TTLL5: variants seen among roughly 807,000 people sequenced by gnomAD.
The protein encoded by TTLL5 is tubulin polyglutamylase TTLL5.
In TTLL5, 132 loss-of-function variants were observed where a neutral mutation model predicts 168.4. The ratio of observed to expected loss-of-function variants is 0.78; its 90% CI spans 0.68 to 0.91. The LOEUF (loss-of-function observed/expected upper bound fraction) is 0.91. Among genes scored for constraint, TTLL5 ranks in the 40% least tolerant of loss-of-function variants. The pLI is 0.00. For missense variants in TTLL5, 1,545 were observed against 1,581.5 expected (o/e 0.98, Z 0.39); for synonymous variants, 546 against 558.6 (o/e 0.98, Z 0.32).
At chr14:75,765,437 A>T (rs1210341482) in intron 19 of TTLL5, among the ~76,000 whole-genome samples, 1 of 152,070 alleles carries the variant, frequency 6.6e-6, no homozygotes, top group Non-Finnish European at 1.5e-5. Context: ...TCTCTAATAC[A>T]CTGTAGAAAT....
intron 31 of TTLL5, among the ~76,000 whole-genome samples, chr14:75,934,102 A>G (rs1203724153): frequency 1.3e-5 from 2 of 152,256 alleles, no homozygotes; most frequent in African/African-American, 4.8e-5. Flanking sequence ...CCCCTGAGCC[A>G]GAAAGCCATG....
chr14:75,734,101 G>T lies in TTLL5; in HGVS notation c.1186+51G>T, dbSNP rs374378243. On this transcript the variant is annotated intron_variant, in intron 14 of 31. Coordinates refer to ENST00000298832, the MANE Select transcript of TTLL5 (RefSeq NM_015072.5). ...GACTCACATAAAAATTAACCGGAGC[G>T]TCCATTTTATCAGACTCCATAGGTT... 4.0e-5 allele frequency: 63 copies of T among 1,582,650 alleles called. 1 individual carries two copies. In the Middle Eastern group the frequency reaches 6.7e-4, roughly 17 times the overall value.
intron 28 of TTLL5, among the ~76,000 whole-genome samples, chr14:75,822,788 G>T (rs1276026640): frequency 6.6e-6 from 1 of 152,204 alleles, no homozygotes; most frequent in Admixed American, 6.5e-5. Context: ...CATTGGGTCA[G>T]TGTAAGCTCA....
At chr14:75,668,796 T>C (rs1209437965) in intron 2 of TTLL5, among the ~76,000 whole-genome samples, 1 of 152,220 alleles carries the variant, frequency 6.6e-6, no homozygotes, top group African/African-American at 2.4e-5. Context: ...ATGTAAATTA[T>C]TGTGAACTCA....
At chr14:75,817,830 C>CTTTTTTTTTTTTTTTTTTTT (rs1045988787) in intron 27 of TTLL5, among the ~76,000 whole-genome samples, 24 of 83,868 alleles carry the variant, frequency 2.9e-4, no homozygotes, top group African/African-American at 5.6e-4. Context: ...CTTTTCTTTT[C>CTTTTTTTTTTTTTTTTTTTT]TTTTTTTTTT....
In TTLL5 at chr14:75,776,012, C is replaced by T. The variant is rs79800386; in HGVS notation, c.2283+382C>T. Among the ~76,000 whole-genome samples, 8 of 152,280 alleles carry T rather than the reference C, an allele frequency of 5.3e-5. No homozygotes were observed. In the East Asian group the frequency reaches 1.2e-3, roughly 22 times the overall value. ...ATGTAATGACATATTCTTTCTTGAACGAGTTATACTTTCATCTTTAAAACA... is the reference window on the plus strand; with the variant it reads ...ATGTAATGACATATTCTTTCTTGAATGAGTTATACTTTCATCTTTAAAACA... On this transcript the variant is annotated intron_variant, in intron 22 of 31. Coordinates refer to ENST00000298832, the MANE Select transcript of TTLL5 (RefSeq NM_015072.5).
At chr14:75,773,907 C>CATATATATATAT (rs34160638) in intron 21 of TTLL5, among the ~76,000 whole-genome samples, 60 of 28,748 alleles carry the variant, frequency 2.1e-3, no homozygotes, top group Non-Finnish European at 3.0e-3. Flanking sequence ...AAAAAAAATA[C>CATATATATATAT]ATATATATAT....
chr14:75,744,854 C>G (rs1889501024), intron 15 of TTLL5: 1 of 280,886 alleles, frequency 3.6e-6, no homozygotes, highest in Non-Finnish European at 6.8e-6. Flanking sequence ...TCTTTCTTCT[C>G]TTTTCTCTCT....
At chr14:75,760,987 C>T (rs1270588435) in intron 18 of TTLL5, among the ~76,000 whole-genome samples, 1 of 152,096 alleles carries the variant, frequency 6.6e-6, no homozygotes, top group Non-Finnish European at 1.5e-5. Context: ...TCAAACATAT[C>T]TGTCAAAGGA....
intron 28 of TTLL5, among the ~76,000 whole-genome samples, chr14:75,831,796 A>G (rs1429781114): frequency 1.3e-5 from 2 of 152,216 alleles, no homozygotes; most frequent in East Asian, 1.9e-4. Context: ...TGTGCATAGT[A>G]TACACAATGG....
chr14:75,825,281 C>T (rs1307943331), intron 28 of TTLL5, among the ~76,000 whole-genome samples: 5 of 152,116 alleles, frequency 3.3e-5, no homozygotes, highest in African/African-American at 9.7e-5. Context: ...TAGTTTAGTA[C>T]CTAGTTTACA....
intron 2 of TTLL5, among the ~76,000 whole-genome samples, chr14:75,665,615 T>C (rs1423511279): frequency 6.6e-6 from 1 of 152,166 alleles, no homozygotes; most frequent in Non-Finnish European, 1.5e-5. Context: ...TCCCAGCACT[T>C]TGGGAGGCCG....
chr14:75,753,785 A>G (rs776770761), intron 18 of TTLL5, among the ~76,000 whole-genome samples: 3 of 152,158 alleles, frequency 2.0e-5, no homozygotes, highest in Non-Finnish European at 4.4e-5. Flanking sequence ...ATTTCTTTAT[A>G]TGTATAAAAC....
At chr14:75,889,825 T>TAAA (rs1183125823) in intron 30 of TTLL5, among the ~76,000 whole-genome samples, 27 of 32,928 alleles carry the variant, frequency 8.2e-4, no homozygotes, top group African/African-American at 3.6e-3. Context: ...GCGAGACTCT[T>TAAA]AAAAAAAAAA....
At chr14:75,946,130 G>A (rs1595315608) in intron 31 of TTLL5, among the ~76,000 whole-genome samples, 2 of 152,266 alleles carry the variant, frequency 1.3e-5, no homozygotes, top group Admixed American at 1.3e-4. Context: ...CAGAAGAAAG[G>A]TCTGAAATGC....
In TTLL5 at chr14:75,776,339, G is replaced by A. The variant is rs549412671; in HGVS notation, c.2284-408G>A. 5.9e-5 allele frequency among the ~76,000 whole-genome samples: 9 copies of A among 152,284 alleles called. No individual in the cohort carries two copies. In the East Asian group the frequency reaches 1.7e-3, roughly 29 times the overall value. On this transcript the variant is annotated intron_variant, in intron 22 of 31. Transcript: ENST00000298832. ...TATAAGTGAAGAATTTATTCAGTATGGAAGCTGGTATAAGAGTACCTTCCA... is the reference window on the plus strand; with the variant it reads ...TATAAGTGAAGAATTTATTCAGTATAGAAGCTGGTATAAGAGTACCTTCCA...
chr14:75,745,256 G>T, intron 16 of TTLL5, 48 bp downstream of exon 16: 1 of 1,526,396 alleles, frequency 6.6e-7, no homozygotes, highest in East Asian at 2.3e-5. Context: ...ACAGGGTTTA[G>T]TGAAAATTAG....
intron 31 of TTLL5, among the ~76,000 whole-genome samples, chr14:75,925,398 CTCCTCACAT>C (rs1174516790): frequency 1.4e-3 from 40 of 28,518 alleles, no homozygotes; most frequent in Non-Finnish European, 4.0e-4. Flanking sequence ...GGCAGAGGCG[CTCCTCACAT>C]CCCAGACGGG....
chr14:75,842,197 C>T (rs1278402945), intron 28 of TTLL5, among the ~76,000 whole-genome samples: 2 of 152,262 alleles, frequency 1.3e-5, no homozygotes, highest in East Asian at 1.9e-4. Flanking sequence ...AAAGCCTATC[C>T]CAGTATATCC....
Sources: allele counts gnomAD v4.1 joint callset (sites outside exome capture counted in the v4.1 genomes callset), GRCh38; gene constraint gnomAD v4.1.1; transcripts MANE v1.5; gene names NCBI Gene and HGNC (gene_info 2026-07-23, HGNC 2026-07-21).